Variants in SNTG2 observed in about 807,000 individuals in gnomAD.
SNTG2 encodes syntrophin gamma 2.
Under a neutral mutation model 70.9 loss-of-function variants are expected in SNTG2, and 74 were observed. That is an observed-to-expected ratio of 1.04 (90% confidence interval 0.86 to 1.27). The LOEUF is 1.27. SNTG2 is among the 50% of genes most tolerant of loss of function. The pLI is 0.00. For missense variants in SNTG2, 717 were observed against 690.7 expected (o/e 1.04, Z -0.43); for synonymous variants, 278 against 273.8 (o/e 1.02, Z -0.15).
At chr2:1,342,006 C>A (rs1455974275) in intron 16 of SNTG2, among the ~76,000 whole-genome samples, 1 of 152,144 alleles carries the variant, frequency 6.6e-6, no homozygotes, top group African/African-American at 2.4e-5. Flanking sequence ...CCACCTCACC[C>A]AGCCTGTTTT....
At chr2:1,288,246 T>C (rs1558181064) in intron 14 of SNTG2, among the ~76,000 whole-genome samples, 1 of 152,174 alleles carries the variant, frequency 6.6e-6, no homozygotes, top group African/African-American at 2.4e-5. Flanking sequence ...CAGACAATTC[T>C]CTGTGCACAG....
At chr2:1,116,963 G>GTGTGGGTGCTCTGGCA (rs1315773224) in intron 4 of SNTG2, among the ~76,000 whole-genome samples, 1 of 133,998 alleles carries the variant, frequency 7.5e-6, no homozygotes, top group Non-Finnish European at 1.6e-5. Context: ...GGTGCCTGGC[G>GTGTGGGTGCTCTGGCA]TGTGGGTGCT....
At chr2:1,197,933 A>G (rs533322586) in intron 8 of SNTG2, among the ~76,000 whole-genome samples, 2 of 115,846 alleles carry the variant, frequency 1.7e-5, no homozygotes, top group African/African-American at 8.2e-5. Context: ...CTTTCTCAGC[A>G]TTAGACAGAT....
At chr2:1,355,639 A>G (rs1343895900) in intron 16 of SNTG2, among the ~76,000 whole-genome samples, 4 of 152,126 alleles carry the variant, frequency 2.6e-5, no homozygotes, top group Admixed American at 2.6e-4. Flanking sequence ...GTAGTGCTGT[A>G]ATGAACAGGG....
rs775005408 is a variant in SNTG2, at chr2:1,259,471, C to T, written c.1077+30C>T. On this transcript the variant is annotated intron_variant, in intron 13 of 16. Transcript: ENST00000308624. ...GTATCTTTTGCACTTCAGATGCTTTCATACAAATAAGATGCCCTTTGGGCT... is the reference window on the plus strand; with the variant it reads ...GTATCTTTTGCACTTCAGATGCTTTTATACAAATAAGATGCCCTTTGGGCT... 5.7e-6 allele frequency: 9 copies of T among 1,573,412 alleles called. No homozygotes were observed. The Admixed American group carries it at 1.5e-4, about 26-fold the overall frequency.
intron 1 of SNTG2, among the ~76,000 whole-genome samples, chr2:980,216 G>A (rs5020133): frequency 0.3 from 46,239 of 151,906 alleles, 7,423 homozygotes; most frequent in Middle Eastern, 0.4. Context: ...ACAGTTGTAT[G>A]TTACAGTTAC....
At chr2:1,070,191 C>T (rs1324547025) in intron 1 of SNTG2, among the ~76,000 whole-genome samples, 5 of 151,944 alleles carry the variant, frequency 3.3e-5, no homozygotes, top group Non-Finnish European at 4.4e-5. Flanking sequence ...TTACCCTGAG[C>T]CCACCGGAGA....
At chr2:1,022,946 G>A (rs1660274588) in intron 1 of SNTG2, among the ~76,000 whole-genome samples, 1 of 152,148 alleles carries the variant, frequency 6.6e-6, no homozygotes. Flanking sequence ...AGAAGATAAA[G>A]GAGATAAATG....
At chr2:1,177,094 G>C (rs1572651464) in intron 8 of SNTG2, among the ~76,000 whole-genome samples, 1 of 152,262 alleles carries the variant, frequency 6.6e-6, no homozygotes, top group East Asian at 1.9e-4. Flanking sequence ...GCCCATCAAT[G>C]ATAGACTTGA....
At chr2:1,141,217 C>A (rs749942928) in intron 6 of SNTG2, among the ~76,000 whole-genome samples, 1 of 152,124 alleles carries the variant, frequency 6.6e-6, no homozygotes, top group Non-Finnish European at 1.5e-5. Flanking sequence ...TTTCCTGTTA[C>A]GCCAGGTTTT....
chr2:1,115,570 G>A (rs1666901993), intron 4 of SNTG2, among the ~76,000 whole-genome samples: 1 of 150,606 alleles, frequency 6.6e-6, no homozygotes, highest in African/African-American at 2.5e-5. Flanking sequence ...GAAGAATCTT[G>A]TGTACTAAGT....
At chr2:1,306,543 A>T (rs575415663) in intron 14 of SNTG2, among the ~76,000 whole-genome samples, 1 of 152,324 alleles carries the variant, frequency 6.6e-6, no homozygotes, top group African/African-American at 2.4e-5. Context: ...GCACAGCAGG[A>T]GCGGGGGGAC....
At chr2:1,149,217 G>GAGAGACACAC (rs1553339083) in intron 6 of SNTG2, among the ~76,000 whole-genome samples, 16 of 149,038 alleles carry the variant, frequency 1.1e-4, no homozygotes, top group East Asian at 4.0e-4. Flanking sequence ...GTGAGAGAGA[G>GAGAGACACAC]ACACACACAC....
intron 1 of SNTG2, among the ~76,000 whole-genome samples, chr2:980,153 T>G (rs1469341089): frequency 6.6e-6 from 1 of 152,206 alleles, no homozygotes; most frequent in African/African-American, 2.4e-5. Context: ...TAGTTAATTC[T>G]TCATCACACA....
chr2:1,282,625 C>A (rs1230891788), intron 14 of SNTG2, among the ~76,000 whole-genome samples: 1 of 152,216 alleles, frequency 6.6e-6, no homozygotes, highest in Middle Eastern at 3.4e-3. Context: ...ACAATAACGC[C>A]GCCTCCCCCG....
At chr2:1,043,413 T>G (rs1661554865) in intron 1 of SNTG2, among the ~76,000 whole-genome samples, 1 of 152,210 alleles carries the variant, frequency 6.6e-6, no homozygotes, top group Admixed American at 6.5e-5. Flanking sequence ...AAGACACTCT[T>G]TAGCTTAATT....
At chr2:1,128,654 C>T (rs1667847437) in intron 4 of SNTG2, among the ~76,000 whole-genome samples, 1 of 152,072 alleles carries the variant, frequency 6.6e-6, no homozygotes, top group Admixed American at 6.6e-5. Flanking sequence ...CCTGTGCCAA[C>T]TTTCAATATT....
At chr2:989,595 T>G (rs2147976505) in intron 1 of SNTG2, among the ~76,000 whole-genome samples, 1 of 152,356 alleles carries the variant, frequency 6.6e-6, no homozygotes, top group East Asian at 1.9e-4. Flanking sequence ...TGCTGAAAAT[T>G]ACTGACTTCA....
At chr2:1,199,780 A>T (rs1673165006) in intron 8 of SNTG2, among the ~76,000 whole-genome samples, 1 of 152,066 alleles carries the variant, frequency 6.6e-6, no homozygotes, top group Non-Finnish European at 1.5e-5. Flanking sequence ...AATAGCTATG[A>T]AAAAATATTT....
Sources: allele counts gnomAD v4.1 joint callset (sites outside exome capture counted in the v4.1 genomes callset), GRCh38; gene constraint gnomAD v4.1.1; transcripts MANE v1.5; gene names NCBI Gene and HGNC (gene_info 2026-07-23, HGNC 2026-07-21).